Variants in DGKG observed in about 807,000 individuals in gnomAD.
DGKG encodes the protein diacylglycerol kinase gamma.
Under a neutral mutation model 105.3 loss-of-function variants are expected in DGKG, and 78 were observed. The observed-to-expected ratio is 0.74, with a 90% CI of 0.62 to 0.89. The LOEUF is 0.89. Among genes scored for constraint, DGKG ranks in the 40% least tolerant of loss-of-function variants. The pLI is 0.00. For missense variants in DGKG, 958 were observed against 1,020.1 expected (o/e 0.94, Z 0.83); for synonymous variants, 346 against 367.1 (o/e 0.94, Z 0.66).
chr3:186,317,663 C>T lies in DGKG; in HGVS notation c.67+2730G>A, dbSNP rs564053896. 4.6e-5 allele frequency among the ~76,000 whole-genome samples: 7 copies of T among 152,268 alleles called. No homozygotes were observed. The East Asian group carries it at 9.7e-4, about 21-fold the overall frequency. The stretch of plus-strand genomic sequence containing the variant: ...CCTTCTCCCTCCCTGCCCTACAGTT[C>T]CTGGAGTCTGGAAACAATGCGTGCA... On this transcript the variant is annotated intron_variant, in intron 2 of 24. Coordinates refer to ENST00000265022, the MANE Select transcript of DGKG (RefSeq NM_001346.3).
At chr3:186,334,911 T>C (rs776166994) in intron 1 of DGKG, among the ~76,000 whole-genome samples, 9 of 152,188 alleles carry the variant, frequency 5.9e-5, no homozygotes, top group Non-Finnish European at 1.0e-4. Flanking sequence ...CTGTAATAAT[T>C]TTAAACATTG....
intron 3 of DGKG, among the ~76,000 whole-genome samples, chr3:186,303,265 T>C (rs757986979): frequency 6.6e-6 from 1 of 151,854 alleles, no homozygotes; most frequent in Non-Finnish European, 1.5e-5. Context: ...AACTAGGGAG[T>C]GGCTAGGGGT....
intron 24 of DGKG, chr3:186,161,092 C>A: frequency 9.1e-6 from 9 of 987,156 alleles, no homozygotes; most frequent in African/African-American, 1.7e-5. Flanking sequence ...GCTTTGGGTG[C>A]ACCGACTGGG....
At chr3:186,275,739 T>C in intron 9 of DGKG, 75 bp from the exon 10 acceptor site, 1 of 948,084 alleles carries the variant, frequency 1.1e-6, no homozygotes, top group Admixed American at 2.4e-5. Flanking sequence ...GCCTCTTGCA[T>C]GTTCTTCCTT....
At chr3:186,229,770 C>T (rs1240608863) in intron 20 of DGKG, among the ~76,000 whole-genome samples, 1 of 152,228 alleles carries the variant, frequency 6.6e-6, no homozygotes, top group Non-Finnish European at 1.5e-5. Context: ...ATGCTCAACT[C>T]ATTTTGGCTG....
intron 21 of DGKG, among the ~76,000 whole-genome samples, chr3:186,205,116 A>C (rs1422860141): frequency 6.6e-6 from 1 of 151,756 alleles, no homozygotes; most frequent in African/African-American, 2.4e-5. Context: ...AATTAACTGG[A>C]CATGGTGGTG....
intron 3 of DGKG, among the ~76,000 whole-genome samples, chr3:186,300,413 C>T (rs539607083): frequency 2.9e-4 from 44 of 152,268 alleles, no homozygotes; most frequent in Middle Eastern, 3.4e-3. Flanking sequence ...AGGTCACAGA[C>T]GTGATCATCT....
intron 20 of DGKG, among the ~76,000 whole-genome samples, chr3:186,239,922 G>A (rs1248277684): frequency 6.8e-6 from 1 of 146,838 alleles, no homozygotes; most frequent in Non-Finnish European, 1.5e-5. Flanking sequence ...TTTTTCTGAC[G>A]GATGTGTCTT....
chr3:186,333,164 A>T (rs1037026203), intron 1 of DGKG, among the ~76,000 whole-genome samples: 1 of 152,200 alleles, frequency 6.6e-6, no homozygotes, highest in African/African-American at 2.4e-5. Flanking sequence ...ACTTTCTGTC[A>T]GTGGCTTTGA....
chr3:186,248,771 T>C (rs1163869036), intron 19 of DGKG, among the ~76,000 whole-genome samples: 1 of 152,206 alleles, frequency 6.6e-6, no homozygotes, highest in Non-Finnish European at 1.5e-5. Flanking sequence ...CAGTTGGCTC[T>C]AGAGTTCAAA....
rs1166964416 is a variant in DGKG at position 186,148,179 on chromosome 3, A to G, written c.*1911T>C. 3 of 985,314 alleles carry G rather than the reference A, an allele frequency of 3.0e-6. No homozygotes were observed. Among genetic ancestry groups the G allele is most frequent in the Non-Finnish European group, 3.6e-6 (3 of 829,972 alleles). The allele number at this position is 985,314 out of a possible 1,614,324, so 61.0% of individuals were successfully genotyped here. A position where few individuals can be genotyped will look rare whatever the true frequency, so the allele number is the denominator to read the frequency against. On this transcript the variant is annotated 3_prime_UTR_variant, in exon 25 of 25. Coordinates refer to ENST00000265022, the MANE Select transcript of DGKG (RefSeq NM_001346.3). ...GCTCTGCATGGCCTTGCCCTTGGGA[A>G]AGGATGGTAATGCTGGCACTTGCTG... is the stretch of plus-strand genomic sequence containing the variant.
chr3:186,186,125 A>G (rs1717624856), intron 22 of DGKG, among the ~76,000 whole-genome samples: 1 of 149,722 alleles, frequency 6.7e-6, no homozygotes, highest in African/African-American at 2.4e-5. Context: ...AAAGAGGTCA[A>G]CAATTCCTGA....
chr3:186,235,855 C>T lies in DGKG; in HGVS notation c.1826+6649G>A, dbSNP rs181634452. The stretch of plus-strand genomic sequence containing the variant: ...ACATCCCCAGCATCTGACCACAGGG[C>T]CACTTGCCTACCTGCCATGCAGTCC... On this transcript the variant is annotated intron_variant, in intron 20 of 24. Transcript: ENST00000265022. 9.2e-5 allele frequency among the ~76,000 whole-genome samples: 14 copies of T among 152,268 alleles called. No individual in the cohort carries two copies. The East Asian group carries it at 2.7e-3, about 29-fold the overall frequency.
At chr3:186,211,047 C>A (rs926394699) in intron 21 of DGKG, among the ~76,000 whole-genome samples, 1 of 152,102 alleles carries the variant, frequency 6.6e-6, no homozygotes, top group African/African-American at 2.4e-5. Flanking sequence ...AGCTTATCAA[C>A]CAGGGGAGGG....
chr3:186,328,720 C>T (rs547978427), intron 1 of DGKG, among the ~76,000 whole-genome samples: 1 of 151,904 alleles, frequency 6.6e-6, no homozygotes, highest in African/African-American at 2.4e-5. Context: ...GGACTACAGG[C>T]ACCTGCCACC....
At chr3:186,302,494 ATATATATATATACATATGTG>A (rs1723993390) in intron 3 of DGKG, among the ~76,000 whole-genome samples, 1 of 9,922 alleles carries the variant, frequency 1.0e-4, no homozygotes, top group African/African-American at 5.2e-4. Flanking sequence ...ATATATATAT[ATATATATATATACATATGTG>A]TATATATATA....
chr3:186,294,536 CA>C (rs10574886), intron 5 of DGKG, among the ~76,000 whole-genome samples: 29,942 of 106,606 alleles, frequency 0.28, 3,095 homozygotes, highest in Middle Eastern at 0.42. Context: ...AACTCTGTCT[CA>C]AAAAAAAAAA....
chr3:186,190,483 A>G (rs867382349), intron 21 of DGKG, among the ~76,000 whole-genome samples: 3 of 152,228 alleles, frequency 2.0e-5, no homozygotes, highest in Admixed American at 1.3e-4. Flanking sequence ...GTAAGAGTTC[A>G]GCACGTTATC....
chr3:186,206,811 C>T (rs1277883678), intron 21 of DGKG, among the ~76,000 whole-genome samples: 1 of 151,908 alleles, frequency 6.6e-6, no homozygotes, highest in Non-Finnish European at 1.5e-5. Flanking sequence ...ATGCAATGGC[C>T]TGGTCTCCAC....
Sources: allele counts gnomAD v4.1 joint callset (sites outside exome capture counted in the v4.1 genomes callset), GRCh38; gene constraint gnomAD v4.1.1; transcripts MANE v1.5; gene names NCBI Gene and HGNC (gene_info 2026-07-23, HGNC 2026-07-21).